Variants in RTN1 observed in about 807,000 individuals in gnomAD.
The protein encoded by RTN1 is reticulon-1.
Under a neutral mutation model 65.5 loss-of-function variants are expected in RTN1, and 25 were observed. The ratio of observed to expected loss-of-function variants is 0.38; its 90% CI spans 0.28 to 0.53. The LOEUF is 0.53. RTN1 is among the 20% of genes least tolerant of loss of function. The pLI, the probability that RTN1 is intolerant of heterozygous loss-of-function variation, is 0.79. For missense variants in RTN1, 983 were observed against 1,025.4 expected (o/e 0.96, Z 0.57); for synonymous variants, 471 against 447.6 (o/e 1.05, Z -0.66).
chr14:59,784,724 G>C (rs1264616080), intron 1 of RTN1, among the ~76,000 whole-genome samples: 2 of 152,196 alleles, frequency 1.3e-5, no homozygotes, highest in South Asian at 4.1e-4. Context: ...GAATACTTTT[G>C]TAAAAGAAAA....
intron 2 of RTN1, among the ~76,000 whole-genome samples, chr14:59,742,305 C>A (rs146514733): frequency 0.01 from 1,528 of 152,284 alleles, 17 homozygotes; most frequent in Middle Eastern, 0.024. Flanking sequence ...ACACCCAGGA[C>A]CATCATAATA....
intron 3 of RTN1, among the ~76,000 whole-genome samples, chr14:59,681,580 C>T (rs1883746593): frequency 6.6e-6 from 1 of 152,288 alleles, no homozygotes; most frequent in African/African-American, 2.4e-5. Flanking sequence ...CTCACTCATG[C>T]TCATAGTTAC....
At chr14:59,605,206 G>C (rs976903274) in intron 5 of RTN1, 162 bp downstream of exon 5, 2 of 638,450 alleles carry the variant, frequency 3.1e-6, no homozygotes, top group Non-Finnish European at 5.0e-6. Flanking sequence ...GTACAATGAA[G>C]GGATTAGACT....
At chr14:59,755,549 C>T (rs1594726615) in intron 1 of RTN1, among the ~76,000 whole-genome samples, 1 of 151,774 alleles carries the variant, frequency 6.6e-6, no homozygotes, top group Non-Finnish European at 1.5e-5. Flanking sequence ...GGCTGGGAGG[C>T]TTTTTCCTGA....
chr14:59,633,335 G>A (rs950553604), intron 3 of RTN1, among the ~76,000 whole-genome samples: 6 of 152,160 alleles, frequency 3.9e-5, no homozygotes, highest in Admixed American at 1.3e-4. Context: ...ACTTATTCAC[G>A]GAAAACTAGG....
At chr14:59,749,067 C>T (rs1409898001) in intron 1 of RTN1, among the ~76,000 whole-genome samples, 2 of 146,726 alleles carry the variant, frequency 1.4e-5, no homozygotes, top group Non-Finnish European at 3.0e-5. Context: ...GGATTACAGG[C>T]GTGAGCCACC....
chr14:59,712,655 C>T (rs1884448382), intron 3 of RTN1, among the ~76,000 whole-genome samples: 1 of 152,168 alleles, frequency 6.6e-6, no homozygotes, highest in Non-Finnish European at 1.5e-5. Context: ...GGCGTGGTGG[C>T]TCACACCTAT....
At position 59,859,687 on chromosome 14, in the gene RTN1, T is replaced by C. The variant is rs533667328; in HGVS notation, c.241+10703A>G. The stretch of plus-strand genomic sequence containing the variant: ...AGTTTGGAACTGCCTAGAGACTTGT[T>C]AAACGGCTTTGACCAAAAGCCTGAT... On this transcript the variant is annotated intron_variant, in intron 1 of 8. Transcript: ENST00000267484. Among the ~76,000 whole-genome samples, 7 of 152,308 alleles carry C rather than the reference T, an allele frequency of 4.6e-5. No individual in the cohort carries two copies. In the South Asian group the frequency reaches 1.5e-3, roughly 32 times the overall value.
At position 59,700,928 on chromosome 14, in the gene RTN1, C is replaced by T. The variant is rs533880690; in HGVS notation, c.1765+25991G>A. Among the ~76,000 whole-genome samples, 11 of 152,146 alleles carry T rather than the reference C, an allele frequency of 7.2e-5. No individual in the cohort carries two copies. In the South Asian group the frequency reaches 2.3e-3, roughly 32 times the overall value. On this transcript the variant is annotated intron_variant, in intron 3 of 8. Transcript: ENST00000267484. ...GGACACCATCAAGAAAGTGAAAACA[C>T]AATCCACAGAACAAGATAAAATATT...
chr14:59,638,585 A>G (rs1882714251), intron 3 of RTN1, among the ~76,000 whole-genome samples: 1 of 152,198 alleles, frequency 6.6e-6, no homozygotes, highest in African/African-American at 2.4e-5. Flanking sequence ...TAGCTTCTCC[A>G]TTAGCACTTG....
intron 1 of RTN1, among the ~76,000 whole-genome samples, chr14:59,781,865 T>C (rs951407047): frequency 6.6e-6 from 1 of 152,204 alleles, no homozygotes; most frequent in Non-Finnish European, 1.5e-5. Context: ...GCTTTTGAAA[T>C]ATTTCTGGAA....
chr14:59,837,253 T>C (rs1887228845), intron 1 of RTN1, among the ~76,000 whole-genome samples: 1 of 152,084 alleles, frequency 6.6e-6, no homozygotes, highest in African/African-American at 2.4e-5. Flanking sequence ...GTGTTGATGA[T>C]TGGTTAATTT....
intron 3 of RTN1, among the ~76,000 whole-genome samples, chr14:59,611,580 T>C (rs1226253960): frequency 6.6e-6 from 1 of 152,010 alleles, no homozygotes; most frequent in East Asian, 1.9e-4. Context: ...AGCCCCATCG[T>C]GGAGTGTCTG....
intron 3 of RTN1, among the ~76,000 whole-genome samples, chr14:59,674,180 C>T (rs1217426036): frequency 6.6e-6 from 1 of 152,156 alleles, no homozygotes; most frequent in East Asian, 1.9e-4. Context: ...TGAATAAATA[C>T]TTTAAAGACA....
At chr14:59,851,540 T>A (rs1887507191) in intron 1 of RTN1, among the ~76,000 whole-genome samples, 1 of 152,208 alleles carries the variant, frequency 6.6e-6, no homozygotes, top group Non-Finnish European at 1.5e-5. Flanking sequence ...ATGATTTTTT[T>A]TTGTTCCTTA....
At chr14:59,657,851 T>C (rs962199029) in intron 3 of RTN1, among the ~76,000 whole-genome samples, 2 of 55,278 alleles carry the variant, frequency 3.6e-5, no homozygotes, top group Non-Finnish European at 6.8e-5. Flanking sequence ...CTGCAGGAGT[T>C]TTTTTTCATA....
chr14:59,801,922 G>A (rs1373598657), intron 1 of RTN1, among the ~76,000 whole-genome samples: 1 of 152,112 alleles, frequency 6.6e-6, no homozygotes, highest in Non-Finnish European at 1.5e-5. Context: ...AAATACGTTT[G>A]GGGTCAAACA....
Position 59,596,633 on chromosome 14 carries a change from A to G in RTN1, c.*112T>C, listed in dbSNP as rs996228561. ...TGTTTTAAGGTTTGTCTCTAAGATT[A>G]TGGTACTGGAGGGAGGGGGGAAAGA... On this transcript the variant is annotated 3_prime_UTR_variant, in exon 9 of 9. Coordinates refer to ENST00000267484, the MANE Select transcript of RTN1 (RefSeq NM_021136.3). 1.2e-6 allele frequency: 1 copy of G among 833,824 alleles called. No individual in the cohort carries two copies. The highest frequency in any genetic ancestry group is 2.1e-6 in the Non-Finnish European group (1 of 480,254). 51.7% of individuals were successfully genotyped at this position (833,824 alleles called of 1,614,324 possible). A position where few individuals can be genotyped will look rare whatever the true frequency, so the allele number is the denominator to read the frequency against.
At position 59,746,476 on chromosome 14, in the gene RTN1, C is replaced by T. The variant is rs1485411300; in HGVS notation, c.247G>A (p.Ala83Thr). 1 of 1,578,698 alleles carries T rather than the reference C, an allele frequency of 6.3e-7. No individual in the cohort carries two copies. The highest frequency in any genetic ancestry group is 1.2e-5 in the South Asian group (1 of 83,826). ...VAMETASTGV[A>T]GVSSAMDHTF... ...TGGTCCATGGCACTGGAAACACCTG[C>T]CACACCTATGAATCAAAGCAGCAGC... The change falls in exon 2 of 9, where the codon GCA becomes ACA. Residue 83 changes from alanine (A) to threonine (T), a missense_variant. Physicochemically the swap from Ala to Thr is moderately conservative, Grantham distance 58 (BLOSUM62 0). This residue lies in a region of RTN1 where 818 missense variants were observed against 801.8 expected (regional missense o/e 1.02). Coordinates refer to ENST00000267484, the MANE Select transcript of RTN1 (RefSeq NM_021136.3).
Sources: allele counts gnomAD v4.1 joint callset (sites outside exome capture counted in the v4.1 genomes callset), GRCh38; gene constraint gnomAD v4.1.1; regional missense constraint gnomAD v4.1.1; transcripts MANE v1.5; gene names NCBI Gene and HGNC (gene_info 2026-07-23, HGNC 2026-07-21).